EPB41: variants seen among roughly 807,000 people sequenced by gnomAD.
The protein encoded by EPB41 is erythrocyte membrane protein band 4.1.
In EPB41, 65 loss-of-function variants were observed where a neutral mutation model predicts 108.0. That is an observed-to-expected ratio of 0.60 (90% CI 0.49 to 0.74). The LOEUF (loss-of-function observed/expected upper bound fraction) is 0.74. EPB41 is among the 30% of genes least tolerant of loss of function. The probability of loss-of-function intolerance (pLI) is 0.00; values close to 1 mark genes in which losing one functional copy is unlikely to be tolerated. For missense variants in EPB41, 875 were observed against 1,037.0 expected, an observed-to-expected ratio of 0.84 and a Z score of 2.15; for synonymous variants, 336 against 358.9, an observed-to-expected ratio of 0.94 and a Z score of 0.72.
chr1:28,901,488 G>A (rs1334535503), intron 1 of EPB41, among the ~76,000 whole-genome samples: 2 of 151,820 alleles, frequency 1.3e-5, no homozygotes, highest in African/African-American at 4.8e-5. Context: ...CTCCCAAAGT[G>A]TTGGGATTAC....
Position 28,987,467 on chromosome 1 carries a change from G to A in EPB41, c.30G>A (p.Glu10=), listed in dbSNP as rs968598001. The A allele has an allele frequency of 3.1e-6, 5 of 1,613,948 alleles. No homozygotes were observed. Among genetic ancestry groups the A allele is most frequent in the South Asian group, 2.2e-5 (2 of 91,076 alleles). The change falls in exon 2 of 21, where the codon GAG becomes GAA. Residue 10 remains glutamate, a synonymous_variant. Coordinates refer to ENST00000343067, the MANE Select transcript of EPB41 (RefSeq NM_001376013.1). ...CAACAGAGAAGAGTTTAGTGACTGA[G>A]GCCGAAAATTCACAGCACCAACAGA... The part of the protein sequence containing the change: MTTEKSLVT[E]AENSQHQQKE...
rs963356999 is a variant in EPB41, at chr1:29,024,503, C to T, written c.1125-5897C>T. Among the ~76,000 whole-genome samples the T allele has an allele frequency of 5.3e-5, 8 of 151,474 alleles. 1 individual carries two copies. The East Asian group carries it at 5.8e-4, about 11-fold the overall frequency. Reference sequence around the variant, plus strand: ...AAAAAATTAGCCGGGCTTGGTGGCACGCGCCTGTAATCCCAGCTACTCCGG... The same window carrying T: ...AAAAAATTAGCCGGGCTTGGTGGCATGCGCCTGTAATCCCAGCTACTCCGG... On this transcript the variant is annotated intron_variant, in intron 7 of 20. Transcript: ENST00000343067.
intron 17 of EPB41, among the ~76,000 whole-genome samples, chr1:29,100,157 T>C (rs944886498): frequency 1.3e-5 from 2 of 151,786 alleles, no homozygotes; most frequent in Non-Finnish European, 2.9e-5. Flanking sequence ...TAGGAAACAG[T>C]GTGGCTTGGT....
chr1:29,017,531 A>G (rs2096592615), intron 6 of EPB41, among the ~76,000 whole-genome samples: 1 of 152,198 alleles, frequency 6.6e-6, no homozygotes, highest in Non-Finnish European at 1.5e-5. Flanking sequence ...TGCAGTTCCC[A>G]ACAGTTTAGC....
At chr1:29,026,099 G>A (rs563322935) in intron 7 of EPB41, among the ~76,000 whole-genome samples, 5 of 152,258 alleles carry the variant, frequency 3.3e-5, no homozygotes, top group South Asian at 2.1e-4. Flanking sequence ...GGACATCCAC[G>A]TGTGCTGAGT....
intron 15 of EPB41, 135 bp downstream of exon 15, chr1:29,060,619 C>G (rs1159925096): frequency 6.8e-6 from 5 of 733,864 alleles, no homozygotes; most frequent in Non-Finnish European, 1.2e-5. Flanking sequence ...GTTTAAAATG[C>G]TTTTGCATGT....
intron 20 of EPB41, among the ~76,000 whole-genome samples, chr1:29,116,023 G>T (rs1428260841): frequency 6.6e-6 from 1 of 152,170 alleles, no homozygotes; most frequent in Non-Finnish European, 1.5e-5. Flanking sequence ...TTGGGTAAGA[G>T]GAGGGACCCA....
At chr1:28,980,516 C>A (rs1322053512) in intron 1 of EPB41, among the ~76,000 whole-genome samples, 2 of 151,610 alleles carry the variant, frequency 1.3e-5, no homozygotes, top group Non-Finnish European at 2.9e-5. Context: ...TTGAAACCAG[C>A]CTGGGCAACA....
At chr1:29,064,616 C>A (rs777852157) in intron 15 of EPB41, among the ~76,000 whole-genome samples, 28 of 152,074 alleles carry the variant, frequency 1.8e-4, no homozygotes, top group Non-Finnish European at 3.8e-4. Flanking sequence ...AAAATAATTT[C>A]TTATCAAGCT....
In EPB41 at chr1:28,989,139, A is replaced by T. The variant is rs558485257; in HGVS notation, c.468+1234A>T. Among the ~76,000 whole-genome samples, 5 of 152,318 alleles carry T rather than the reference A, an allele frequency of 3.3e-5. No individual in the cohort carries two copies. The South Asian group carries it at 1.0e-3, about 32-fold the overall frequency. ...AAGTCATGTCTACCTTATTTTGATC[A>T]TCTTCTTTAACTAGAGCATATTGCC... On this transcript the variant is annotated intron_variant, in intron 2 of 20. Transcript: ENST00000343067.
rs904420902 is a variant in EPB41, at chr1:28,887,348, C to T, written c.-8+138C>T. The T allele has an allele frequency of 2.1e-5, 24 of 1,151,360 alleles. No individual in the cohort carries two copies. The highest frequency in any genetic ancestry group is 1.2e-4 in the African/African-American group (7 of 60,270). 71.3% of individuals were successfully genotyped at this position (1,151,360 alleles called of 1,614,324 possible). ...TCGAAGGGTCCAGGGCTGAGGGGTC[C>T]AGCGGTCCCGAATTCCAGAATCCGA... On this transcript the variant is annotated intron_variant, in intron 1 of 16. Transcript: ENST00000347529. The surrounding 1 kb of genome is among the most constrained non-coding windows in gnomAD (Gnocchi z 4.9).
At chr1:28,971,126 G>A (rs1468451310) in intron 1 of EPB41, among the ~76,000 whole-genome samples, 1 of 150,598 alleles carries the variant, frequency 6.6e-6, no homozygotes, top group African/African-American at 2.5e-5. Context: ...GGAATTACAG[G>A]CATGAGCCAC....
In EPB41 at chr1:29,066,964, C is replaced by T. The variant is rs182982229; in HGVS notation, c.2184+1806C>T. Among the ~76,000 whole-genome samples, 94 of 151,772 alleles carry T rather than the reference C, an allele frequency of 6.2e-4. No individual in the cohort carries two copies. The East Asian group carries it at 0.015, about 25-fold the overall frequency. ...TGCTGAGATTACAGGCATGAGCCAC[C>T]GTGCCCAGCTAAAACTTTTTTTTTT... On this transcript the variant is annotated intron_variant, in intron 16 of 20. Coordinates refer to ENST00000343067, the MANE Select transcript of EPB41 (RefSeq NM_001376013.1).
At chr1:28,995,686 T>C (rs2096154709) in intron 3 of EPB41, among the ~76,000 whole-genome samples, 1 of 152,236 alleles carries the variant, frequency 6.6e-6, no homozygotes, top group African/African-American at 2.4e-5. Context: ...TGATCAGACA[T>C]AGTATTTCTA....
intron 17 of EPB41, among the ~76,000 whole-genome samples, chr1:29,105,822 C>T (rs1666970863): frequency 1.3e-5 from 2 of 150,332 alleles, no homozygotes; most frequent in African/African-American, 4.9e-5. Flanking sequence ...GATCTCAGCC[C>T]ACTGCAACCT....
intron 17 of EPB41, among the ~76,000 whole-genome samples, chr1:29,101,525 A>G (rs34670011): frequency 6.6e-6 from 1 of 151,804 alleles, no homozygotes; most frequent in Admixed American, 6.6e-5. Flanking sequence ...TTAATTAGCC[A>G]GGCGTGGTGG....
chr1:29,099,368 AG>A (rs1177981262), intron 17 of EPB41, among the ~76,000 whole-genome samples: 2 of 151,664 alleles, frequency 1.3e-5, no homozygotes, highest in East Asian at 3.9e-4. Flanking sequence ...TCTGTTGCCC[AG>A]GCTGAAGTGC....
chr1:29,003,625 C>A (rs2096345486), intron 4 of EPB41, among the ~76,000 whole-genome samples: 1 of 152,128 alleles, frequency 6.6e-6, no homozygotes, highest in South Asian at 2.1e-4. Context: ...TAACTTCTGT[C>A]ATTAAGAGCT....
intron 1 of EPB41, among the ~76,000 whole-genome samples, chr1:28,903,322 C>CTTTTTTTT (rs1469847584): frequency 4.2e-5 from 6 of 144,412 alleles, no homozygotes; most frequent in African/African-American, 8.0e-5. Flanking sequence ...TTTTTCTTTT[C>CTTTTTTTT]TTTCTTTTTT....
Sources: gnomAD v4.1 joint callset for allele counts (sites outside exome capture counted in the v4.1 genomes callset) on GRCh38, gnomAD v4.1.1 for gene constraint, Gnocchi (gnomAD v3.1) non-coding constraint, MANE v1.5 for transcripts, NCBI Gene and HGNC (gene_info 2026-07-23, HGNC 2026-07-21) for gene names.